Variants in PRKCB observed in about 807,000 individuals in gnomAD.
PRKCB encodes the protein protein kinase C beta type.
A neutral mutation model predicts 81.5 loss-of-function variants in PRKCB; 13 were observed. That is an observed-to-expected ratio of 0.16 (90% CI 0.10 to 0.25). The LOEUF is 0.25. Ranked by LOEUF, PRKCB falls within the 10% of genes least tolerant of loss-of-function variation. The pLI is 1.00. For synonymous variants in PRKCB, 335 were observed against 321.4 expected (o/e 1.04, Z -0.45); for missense variants, 509 against 875.7 (o/e 0.58, Z 5.29).
chr16:23,954,689 G>C (rs143347223), intron 2 of PRKCB, among the ~76,000 whole-genome samples: 1 of 152,204 alleles, frequency 6.6e-6, no homozygotes, highest in Non-Finnish European at 1.5e-5. Context: ...TTTCTTAACT[G>C]TTCTATGCCT....
At chr16:24,185,968 C>T (rs990309301) in intron 15 of PRKCB, among the ~76,000 whole-genome samples, 2 of 152,232 alleles carry the variant, frequency 1.3e-5, no homozygotes, top group African/African-American at 4.8e-5. Flanking sequence ...TTAGTTAATA[C>T]TAAGAGCGTG....
intron 2 of PRKCB, among the ~76,000 whole-genome samples, chr16:23,948,039 G>C (rs1353725221): frequency 2.0e-5 from 3 of 152,114 alleles, no homozygotes; most frequent in Admixed American, 2.0e-4. Context: ...AGTCCTTGCT[G>C]GACTCTGAAT....
chr16:24,157,218 G>A (rs1967174397), intron 10 of PRKCB, among the ~76,000 whole-genome samples: 1 of 152,124 alleles, frequency 6.6e-6, no homozygotes, highest in South Asian at 2.1e-4. Flanking sequence ...TGAGAACCAG[G>A]AGAGCCTAGA....
intron 8 of PRKCB, among the ~76,000 whole-genome samples, chr16:24,114,426 C>T (rs1211004576): frequency 6.6e-6 from 1 of 151,790 alleles, no homozygotes; most frequent in Non-Finnish European, 1.5e-5. Flanking sequence ...ATGAAATACC[C>T]TGGGGGTAGA....
Position 24,220,132 on chromosome 16 carries a change from G to C in PRKCB, c.*5316G>C, listed in dbSNP as rs374831115. The C allele has an allele frequency of 1.2e-6, 2 of 1,613,602 alleles. No individual in the cohort carries two copies. The highest frequency in any genetic ancestry group is 1.7e-6 in the Non-Finnish European group (2 of 1,179,772). On this transcript the variant is annotated 3_prime_UTR_variant, in exon 17 of 17. Transcript: ENST00000643927. ...TGTGTAGGTGAATGCAAACTCCATCGTTGAGCCTGGGGTGTAAGACTTCAA... is the reference window on the plus strand; with the variant it reads ...TGTGTAGGTGAATGCAAACTCCATCCTTGAGCCTGGGGTGTAAGACTTCAA...
chr16:24,108,331 TTATTTTTTTTTAA>T (rs1351997870), intron 7 of PRKCB, among the ~76,000 whole-genome samples: 228 of 147,302 alleles, frequency 1.5e-3, no homozygotes, highest in African/African-American at 5.7e-3. Flanking sequence ...ATTTTTTATT[TTATTTTTTTTTAA>T]ATTTATTTAT....
intron 16 of PRKCB, among the ~76,000 whole-genome samples, chr16:24,202,378 T>G (rs750407678): frequency 2.0e-5 from 3 of 152,206 alleles, no homozygotes; most frequent in Non-Finnish European, 4.4e-5. Flanking sequence ...GCCATCCTAT[T>G]GATATTTTTC....
At position 24,141,476 on chromosome 16, in the gene PRKCB, G is replaced by A. The variant is rs111572936; in HGVS notation, c.1066-13208G>A. Among the ~76,000 whole-genome samples the A allele has an allele frequency of 7.1e-3, 1,081 of 152,274 alleles. 9 individuals carry two copies. Among genetic ancestry groups the A allele is most frequent in the African/African-American group, 0.024 (1,008 of 41,540 alleles). On this transcript the variant is annotated intron_variant, in intron 9 of 16. Transcript: ENST00000643927. The stretch of plus-strand genomic sequence containing the variant: ...CTCCCAAAGTGCTGGGATTACAGGC[G>A]TGAGCCACTGTGCCCGGCCAAGACC...
rs1555501772 is a variant in PRKCB at position 24,193,464 on chromosome 16, T to TAAATAAATA, written c.1863+2237_1863+2245dup. ...CATCTCAAATAAATAAATAAATAAATAAATAAATAAATAAATAAATAAATA... is the reference window on the plus strand; with the variant it reads ...CATCTCAAATAAATAAATAAATAAATAAATAAATAAAATAAATAAATAAATAAATAAATA... On this transcript the variant is annotated intron_variant, in intron 16 of 16. Transcript: ENST00000643927. Among the ~76,000 whole-genome samples, 630 of 96,238 alleles carry TAAATAAATA rather than the reference T, an allele frequency of 6.5e-3. 13 individuals are homozygous for TAAATAAATA. Among genetic ancestry groups the TAAATAAATA allele is most frequent in the Non-Finnish European group, 9.0e-3 (366 of 40,464 alleles). The allele number at this position is 96,238 out of a possible 152,430, so 63.1% of individuals were successfully genotyped here. A position where few individuals can be genotyped will look rare whatever the true frequency, so the allele number is the denominator to read the frequency against.
chr16:24,059,590 C>G (rs904812394), intron 5 of PRKCB, among the ~76,000 whole-genome samples: 6 of 151,844 alleles, frequency 4.0e-5, no homozygotes, highest in Non-Finnish European at 7.4e-5. Flanking sequence ...GCCCTTGAGC[C>G]CAGAAGTTTG....
chr16:24,191,818 A>G (rs181014510), intron 16 of PRKCB, among the ~76,000 whole-genome samples: 1 of 152,240 alleles, frequency 6.6e-6, no homozygotes, highest in Admixed American at 6.5e-5. Flanking sequence ...TGGCTTTGAC[A>G]TAAGTTTTAT....
intron 2 of PRKCB, among the ~76,000 whole-genome samples, chr16:23,950,135 T>TTG (rs1964258620): frequency 7.5e-6 from 1 of 134,136 alleles, no homozygotes; most frequent in Non-Finnish European, 1.6e-5. Flanking sequence ...GATTTGAATT[T>TTG]TTTTTTTTTT....
chr16:24,216,310 T>A lies in PRKCB; in HGVS notation c.*1494T>A. 1.0e-6 allele frequency: 1 copy of A among 985,422 alleles called. No homozygotes were observed. The highest frequency in any genetic ancestry group is 1.2e-6 in the Non-Finnish European group (1 of 829,930). 61.0% of individuals were successfully genotyped at this position (985,422 alleles called of 1,614,324 possible). A position where few individuals can be genotyped will look rare whatever the true frequency, so the allele number is the denominator to read the frequency against. Reference sequence around the variant, plus strand: ...ATTTTCTTATCAAAATCACCACTCCTCCCAGCTTGGACTAAATATTCTTTC... The same window carrying A: ...ATTTTCTTATCAAAATCACCACTCCACCCAGCTTGGACTAAATATTCTTTC... On this transcript the variant is annotated 3_prime_UTR_variant, in exon 17 of 17. Transcript: ENST00000643927.
At chr16:24,096,666 A>AAAATAT (rs1406204037) in intron 7 of PRKCB, among the ~76,000 whole-genome samples, 33 of 32,680 alleles carry the variant, frequency 1.0e-3, no homozygotes, top group Non-Finnish European at 1.8e-3. Flanking sequence ...AAAAAAAAAA[A>AAAATAT]ATATATATAT....
rs1567311221 is a variant in PRKCB, at chr16:23,911,825, C to CTTTT, written c.205+74419_205+74420insTTTT. ...CTTGTCCTGGGATATGCGCGACCCA[C>CTTTT]ATTTTTTTTTTTTTTTTTTTTTTTT... On this transcript the variant is annotated intron_variant, in intron 2 of 16. Coordinates refer to ENST00000643927, the MANE Select transcript of PRKCB (RefSeq NM_002738.7). 1.8e-4 allele frequency among the ~76,000 whole-genome samples: 23 copies of CTTTT among 126,382 alleles called. 7 individuals are homozygous for CTTTT. Among genetic ancestry groups the CTTTT allele is most frequent in the Non-Finnish European group, 2.3e-4 (14 of 61,694 alleles). The allele number at this position is 126,382 out of a possible 152,430, so 82.9% of individuals were successfully genotyped here.
At chr16:24,077,800 C>T (rs914912673) in intron 5 of PRKCB, among the ~76,000 whole-genome samples, 3 of 152,214 alleles carry the variant, frequency 2.0e-5, no homozygotes, top group Non-Finnish European at 2.9e-5. Context: ...CCCTGACTGT[C>T]TGAGGATCAT....
intron 2 of PRKCB, among the ~76,000 whole-genome samples, chr16:23,949,627 C>T (rs1027760499): frequency 3.9e-5 from 6 of 152,154 alleles, no homozygotes; most frequent in Non-Finnish European, 7.3e-5. Flanking sequence ...GGTGTTTGCT[C>T]GGTGCCACTT....
chr16:23,889,783 C>CT (rs1161161189), intron 2 of PRKCB, among the ~76,000 whole-genome samples: 1 of 152,202 alleles, frequency 6.6e-6, no homozygotes, highest in African/African-American at 2.4e-5. Flanking sequence ...GAAAAACAAA[C>CT]TTTTACCTAT....
intron 10 of PRKCB, among the ~76,000 whole-genome samples, chr16:24,162,382 A>G (rs1288862873): frequency 1.3e-5 from 2 of 150,990 alleles, no homozygotes; most frequent in Non-Finnish European, 2.9e-5. Flanking sequence ...AAGAAACAGA[A>G]CACCCCTTCC....
Sources: allele counts gnomAD v4.1 joint callset (sites outside exome capture counted in the v4.1 genomes callset), GRCh38; gene constraint gnomAD v4.1.1; transcripts MANE v1.5; gene names NCBI Gene and HGNC (gene_info 2026-07-23, HGNC 2026-07-21).